The following NSMCE2 variants were observed in gnomAD, a reference collection of about 807,000 sequenced individuals.
NSMCE2 encodes NSE2 SUMO ligase component of SMC5/6 complex, also known as E3 SUMO-protein ligase NSE2.
A neutral mutation model predicts 23.8 loss-of-function variants in NSMCE2; 24 were observed. That is an observed-to-expected ratio of 1.01 (90% confidence interval 0.73 to 1.42). The LOEUF is 1.42. Ranked by LOEUF, NSMCE2 falls within the 40% of genes most tolerant of loss-of-function variation. The pLI is 0.00. For missense variants in NSMCE2, 284 were observed against 296.5 expected (o/e 0.96, Z 0.31); for synonymous variants, 92 against 94.1 (o/e 0.98, Z 0.13).
intron 5 of NSMCE2, among the ~76,000 whole-genome samples, chr8:125,186,997 A>G (rs1367540296): frequency 2.0e-5 from 3 of 152,196 alleles, no homozygotes; most frequent in Non-Finnish European, 4.4e-5. Context: ...AGTGTCCTGT[A>G]TGTTAGAAAT....
chr8:125,250,176 G>C (rs1826146309), intron 5 of NSMCE2, among the ~76,000 whole-genome samples: 1 of 152,240 alleles, frequency 6.6e-6, no homozygotes, highest in East Asian at 1.9e-4. Flanking sequence ...TTTTAGTAGA[G>C]ATGGGGTTTC....
chr8:125,133,312 T>A (rs1173004656), intron 3 of NSMCE2, among the ~76,000 whole-genome samples: 1 of 152,194 alleles, frequency 6.6e-6, no homozygotes, highest in Non-Finnish European at 1.5e-5. Context: ...TATGGAATGC[T>A]TTATTTTGGG....
At chr8:125,317,985 T>C (rs1829274998) in intron 5 of NSMCE2, among the ~76,000 whole-genome samples, 1 of 152,220 alleles carries the variant, frequency 6.6e-6, no homozygotes. Flanking sequence ...ATTAATTTCC[T>C]GCACAAAATC....
rs567081439 is a variant in NSMCE2 at position 125,342,517 on chromosome 8, G to GA, written c.419-14700dup. 2.8e-3 allele frequency among the ~76,000 whole-genome samples: 431 copies of GA among 152,252 alleles called. 1 individual carries two copies. The highest frequency in any genetic ancestry group is 4.5e-3 in the Non-Finnish European group (309 of 68,028). On this transcript the variant is annotated intron_variant, in intron 5 of 7. Transcript: ENST00000287437. ...TGGACAAGGAGGGGGTGGGTGAGAG[G>GA]AAGGAAGGCTTAGAGGCAAGGACTT...
At chr8:125,273,417 TA>T (rs1380889886) in intron 5 of NSMCE2, among the ~76,000 whole-genome samples, 1 of 152,242 alleles carries the variant, frequency 6.6e-6, no homozygotes, top group African/African-American at 2.4e-5. Flanking sequence ...GTAACTATGG[TA>T]ACAGTTATTT....
At chr8:125,130,079 C>T (rs763675161) in intron 3 of NSMCE2, 22 of 328,506 alleles carry the variant, frequency 6.7e-5, no homozygotes, top group Admixed American at 4.6e-4. Flanking sequence ...TCTTCGTAGA[C>T]GCTTCTTAGT....
At chr8:125,130,232 C>T (rs1402448991) in intron 3 of NSMCE2, 3 of 455,862 alleles carry the variant, frequency 6.6e-6, no homozygotes, top group Non-Finnish European at 1.3e-5. Context: ...AAGAAGAGCA[C>T]AGAGGTCAAG....
At chr8:125,204,120 G>C (rs893365084) in intron 5 of NSMCE2, among the ~76,000 whole-genome samples, 1 of 152,208 alleles carries the variant, frequency 6.6e-6, no homozygotes, top group Non-Finnish European at 1.5e-5. Flanking sequence ...ATTATAGAAG[G>C]GGGTTATGAC....
chr8:125,258,802 A>G (rs954505793), intron 5 of NSMCE2, among the ~76,000 whole-genome samples: 4 of 152,196 alleles, frequency 2.6e-5, no homozygotes, highest in African/African-American at 9.6e-5. Flanking sequence ...GTTGAAGGAA[A>G]GACTTGGTTG....
intron 3 of NSMCE2, among the ~76,000 whole-genome samples, chr8:125,111,677 A>G (rs1818756401): frequency 6.6e-6 from 1 of 152,092 alleles, no homozygotes. Flanking sequence ...GTGTGTGCCT[A>G]TAATCCCAGC....
intron 4 of NSMCE2, among the ~76,000 whole-genome samples, chr8:125,160,808 C>A (rs1287401066): frequency 6.6e-6 from 1 of 152,142 alleles, no homozygotes; most frequent in African/African-American, 2.4e-5. Context: ...AAATGTATTT[C>A]TCTCTGTGTA....
intron 5 of NSMCE2, among the ~76,000 whole-genome samples, chr8:125,299,554 A>G (rs569666618): frequency 5.3e-5 from 8 of 152,148 alleles, no homozygotes; most frequent in Middle Eastern, 3.2e-3. Flanking sequence ...CCCATGACCC[A>G]GTTACCTCCC....
chr8:125,290,537 A>G (rs1828068328), intron 5 of NSMCE2, among the ~76,000 whole-genome samples: 1 of 152,004 alleles, frequency 6.6e-6, no homozygotes, highest in Admixed American at 6.6e-5. Flanking sequence ...GCTACCTCAT[A>G]GCATTCTAGG....
rs139234018 is a variant in NSMCE2 at position 125,185,651 on chromosome 8, T to G, written c.418+3395T>G. On this transcript the variant is annotated intron_variant, in intron 5 of 7. Transcript: ENST00000287437. ...GAGCCCCCAGAGAGCTTTTGTTCAT[T>G]GGTTATATCAACTGACATTTATCAT... 6.5e-3 allele frequency among the ~76,000 whole-genome samples: 987 copies of G among 152,310 alleles called. 15 individuals are homozygous for G. Among genetic ancestry groups the G allele is most frequent in the African/African-American group, 0.022 (933 of 41,558 alleles).
intron 7 of NSMCE2, among the ~76,000 whole-genome samples, chr8:125,362,456 C>T (rs193140570): frequency 7.9e-5 from 12 of 152,336 alleles, no homozygotes; most frequent in African/African-American, 2.6e-4. Context: ...GCAGCTGGCT[C>T]CTCTCCACGA....
chr8:125,246,092 CAT>C (rs1175354027), intron 5 of NSMCE2, among the ~76,000 whole-genome samples: 6 of 152,148 alleles, frequency 3.9e-5, no homozygotes, highest in East Asian at 1.9e-4. Flanking sequence ...TTTTAAAAAA[CAT>C]ATTTGAAAAG....
intron 5 of NSMCE2, among the ~76,000 whole-genome samples, chr8:125,318,219 G>C (rs1349047688): frequency 1.3e-5 from 2 of 152,162 alleles, no homozygotes; most frequent in African/African-American, 4.8e-5. Flanking sequence ...GGCCAGCCTG[G>C]GCAACACAGT....
chr8:125,146,133 C>A lies in NSMCE2; in HGVS notation c.158-5038C>A, dbSNP rs538149519. 1.7e-4 allele frequency among the ~76,000 whole-genome samples: 26 copies of A among 152,290 alleles called. No individual in the cohort carries two copies. The South Asian group carries it at 2.3e-3, about 13-fold the overall frequency. ...TCCTCCTTGGAAGTGTTGTTTTATG[C>A]TAACAGATTGCCAACGGAGCTGAGC... On this transcript the variant is annotated intron_variant, in intron 3 of 7. Transcript: ENST00000287437.
At chr8:125,128,872 C>A (rs1281540221) in intron 3 of NSMCE2, among the ~76,000 whole-genome samples, 1 of 152,204 alleles carries the variant, frequency 6.6e-6, no homozygotes, top group Non-Finnish European at 1.5e-5. Context: ...AGCCTGGATT[C>A]TCTCCCCACT....
Sources: gnomAD v4.1 joint callset for allele counts (sites outside exome capture counted in the v4.1 genomes callset) on GRCh38, gnomAD v4.1.1 for gene constraint, MANE v1.5 for transcripts, NCBI Gene and HGNC (gene_info 2026-07-23, HGNC 2026-07-21) for gene names.